PLEKHA5: variants seen among roughly 807,000 people sequenced by gnomAD.
The protein encoded by PLEKHA5 is pleckstrin homology domain containing A5.
PLEKHA5 carries 55 observed loss-of-function variants against 181.9 expected under a neutral mutation model. The ratio of observed to expected loss-of-function variants is 0.30; its 90% CI spans 0.24 to 0.38. The LOEUF is 0.38. PLEKHA5 is among the 10% of genes least tolerant of loss of function. The pLI, the probability that PLEKHA5 is intolerant of heterozygous loss-of-function variation, is 1.00. For missense variants in PLEKHA5, 1,432 were observed against 1,549.5 expected (o/e 0.92, Z 1.27); for synonymous variants, 535 against 529.4 (o/e 1.01, Z -0.15).
chr12:19,244,291 G>A (rs369956653), intron 3 of PLEKHA5, among the ~76,000 whole-genome samples: 2 of 151,392 alleles, frequency 1.3e-5, no homozygotes, highest in South Asian at 2.1e-4. Context: ...AACTTAAGAA[G>A]CTAGTAAATT....
intron 25 of PLEKHA5, 93 bp downstream of exon 25, chr12:19,348,612 C>A: frequency 1.1e-6 from 1 of 910,236 alleles, no homozygotes. Context: ...CATGTTGACT[C>A]ATATATGAGT....
At chr12:19,311,664 C>T (rs966663500) in intron 15 of PLEKHA5, among the ~76,000 whole-genome samples, 3 of 152,114 alleles carry the variant, frequency 2.0e-5, no homozygotes, top group Non-Finnish European at 2.9e-5. Flanking sequence ...TGAAGCAATT[C>T]GCTCACATCT....
At chr12:19,241,969 G>T (rs1173899150) in intron 3 of PLEKHA5, among the ~76,000 whole-genome samples, 2 of 152,110 alleles carry the variant, frequency 1.3e-5, no homozygotes, top group African/African-American at 2.4e-5. Context: ...TAACCATATA[G>T]TACCAGTTAA....
intron 3 of PLEKHA5, among the ~76,000 whole-genome samples, chr12:19,240,465 C>G (rs2062324055): frequency 7.7e-6 from 1 of 129,888 alleles, no homozygotes; most frequent in Non-Finnish European, 1.6e-5. Context: ...TTTTTAAAGA[C>G]AGGGTCTTGC....
intron 10 of PLEKHA5, among the ~76,000 whole-genome samples, chr12:19,270,445 A>C (rs1463735574): frequency 6.6e-6 from 1 of 152,168 alleles, no homozygotes; most frequent in Admixed American, 6.5e-5. Flanking sequence ...TCTCCAGAAA[A>C]TAGTTCGTCA....
intron 3 of PLEKHA5, among the ~76,000 whole-genome samples, chr12:19,158,760 A>T (rs1008399668): frequency 6.6e-6 from 1 of 152,128 alleles, no homozygotes; most frequent in African/African-American, 2.4e-5. Context: ...GTTTGTAGTT[A>T]TGATCCAGTG....
chr12:19,164,374 T>C (rs1202461022), intron 3 of PLEKHA5, among the ~76,000 whole-genome samples: 1 of 151,942 alleles, frequency 6.6e-6, no homozygotes, highest in African/African-American at 2.4e-5. Flanking sequence ...TTTGTATTTT[T>C]AGTAGAGACG....
intron 3 of PLEKHA5, among the ~76,000 whole-genome samples, chr12:19,190,536 G>A (rs903496152): frequency 2.0e-5 from 3 of 152,158 alleles, no homozygotes; most frequent in African/African-American, 4.8e-5. Context: ...CAATCTAAAA[G>A]TCTTAGTAGG....
chr12:19,336,121 T>A (rs1218062538), intron 20 of PLEKHA5, among the ~76,000 whole-genome samples: 1 of 152,216 alleles, frequency 6.6e-6, no homozygotes, highest in Non-Finnish European at 1.5e-5. Context: ...CTGAATTGTT[T>A]AAATAGCTAG....
intron 20 of PLEKHA5, 104 bp downstream of exon 20, chr12:19,322,771 T>A: frequency 1.5e-6 from 1 of 687,772 alleles, no homozygotes; most frequent in Non-Finnish European, 2.4e-6. Flanking sequence ...TCTTCTATAT[T>A]ATTATAGCAG....
intron 11 of PLEKHA5, among the ~76,000 whole-genome samples, chr12:19,276,919 G>A (rs2074702314): frequency 6.6e-6 from 1 of 152,116 alleles, no homozygotes; most frequent in South Asian, 2.1e-4. Context: ...GAAACTGGCA[G>A]ATGCTCAAAT....
At chr12:19,306,369 T>C in intron 15 of PLEKHA5, 1 of 496,418 alleles carries the variant, frequency 2.0e-6, no homozygotes, top group Non-Finnish European at 3.9e-6. Flanking sequence ...CCAACTAGCG[T>C]GCTCTCTTCC....
intron 3 of PLEKHA5, among the ~76,000 whole-genome samples, chr12:19,203,369 A>G (rs559898081): frequency 6.6e-6 from 1 of 152,058 alleles, no homozygotes; most frequent in Non-Finnish European, 1.5e-5. Context: ...TCCATCCCAG[A>G]ATAATTAGTT....
rs918560753 is a variant in PLEKHA5, at chr12:19,255,160, G to A, written c.427G>A (p.Gly143Ser). 4 of 1,579,104 alleles carry A rather than the reference G, an allele frequency of 2.5e-6. No individual in the cohort carries two copies. The highest frequency in any genetic ancestry group is 3.4e-5 in the Admixed American group (2 of 58,534). The change falls in exon 5 of 32, where the codon GGC becomes AGC. Residue 143 changes from glycine to serine, a missense_variant. By Grantham distance (56) the Gly-to-Ser change is moderately conservative (BLOSUM62 0). This residue lies in a region of PLEKHA5 where 289 missense variants were observed against 381.1 expected (regional missense o/e 0.76). Coordinates refer to ENST00000429027, the MANE Select transcript of PLEKHA5 (RefSeq NM_001256470.2). ...TGCAGTGCATCCAATGAGCCCTGTA[G>A]GCAGAGTAAGTTATTTTGCTTTATA... ...DYAVHPMSPV[G>S]RTSRASKKVH... is the part of the protein sequence containing the mutation.
chr12:19,311,066 C>A (rs1371787479), intron 15 of PLEKHA5, among the ~76,000 whole-genome samples: 1 of 152,036 alleles, frequency 6.6e-6, no homozygotes, highest in African/African-American at 2.4e-5. Flanking sequence ...ATTGACTCTT[C>A]TTTTCACGAA....
intron 2 of PLEKHA5, among the ~76,000 whole-genome samples, chr12:19,131,565 C>T (rs1333245193): frequency 6.6e-6 from 1 of 152,050 alleles, no homozygotes; most frequent in African/African-American, 2.4e-5. Context: ...ATTATTTAGA[C>T]TAATTATCCT....
intron 3 of PLEKHA5, among the ~76,000 whole-genome samples, chr12:19,190,821 A>AG (rs2050933085): frequency 6.6e-6 from 1 of 152,232 alleles, no homozygotes; most frequent in African/African-American, 2.4e-5. Flanking sequence ...AACTGAGATT[A>AG]GGAAAAAAGC....
intron 3 of PLEKHA5, among the ~76,000 whole-genome samples, chr12:19,252,504 A>G (rs1263269804): frequency 1.3e-5 from 2 of 152,132 alleles, no homozygotes; most frequent in African/African-American, 4.8e-5. Flanking sequence ...TTAAATAAAT[A>G]GGGTTTTTTT....
chr12:19,187,257 A>G (rs1270605328), intron 3 of PLEKHA5, among the ~76,000 whole-genome samples: 1 of 152,204 alleles, frequency 6.6e-6, no homozygotes. Context: ...TTCTAGATAC[A>G]CTGAACTTAA....
Sources: gnomAD v4.1 joint callset for allele counts (sites outside exome capture counted in the v4.1 genomes callset) on GRCh38, gnomAD v4.1.1 for gene constraint, gnomAD v4.1.1 regional missense constraint, MANE v1.5 for transcripts, NCBI Gene and HGNC (gene_info 2026-07-23, HGNC 2026-07-21) for gene names.